RAPGEF2: variants seen among roughly 807,000 people sequenced by gnomAD.
RAPGEF2 encodes Rap guanine nucleotide exchange factor 2, also known as PDZ domain containing guanine nucleotide exchange factor (GEF) 1.
RAPGEF2 carries 54 observed loss-of-function variants against 186.7 expected under a neutral mutation model. The observed-to-expected ratio is 0.29, with a 90% CI of 0.23 to 0.36. The LOEUF is 0.36. Among genes scored for constraint, RAPGEF2 ranks in the 10% least tolerant of loss-of-function variants. RAPGEF2 has a pLI of 1.00. For synonymous variants in RAPGEF2, 712 were observed against 705.9 expected, an observed-to-expected ratio of 1.01 and a Z score of -0.14; for missense variants, 1,532 against 2,045.0, an observed-to-expected ratio of 0.75 and a Z score of 4.84.
At chr4:159,348,218 C>CGATAGATAGATAGATA (rs535075782) in intron 25 of RAPGEF2, among the ~76,000 whole-genome samples, 46 of 145,838 alleles carry the variant, frequency 3.2e-4, no homozygotes, top group African/African-American at 1.1e-3. Flanking sequence ...AAGACTCTGT[C>CGATAGATAGATAGATA]GATAGATAGA....
chr4:159,185,568 T>G (rs1747473743), intron 1 of RAPGEF2, among the ~76,000 whole-genome samples: 1 of 152,122 alleles, frequency 6.6e-6, no homozygotes, highest in African/African-American at 2.4e-5. Flanking sequence ...TCCCCAAAGA[T>G]CATATATTCC....
At chr4:159,354,721 T>C (rs963768701) in intron 28 of RAPGEF2, among the ~76,000 whole-genome samples, 2 of 152,194 alleles carry the variant, frequency 1.3e-5, no homozygotes, top group Admixed American at 1.3e-4. Context: ...ATGGAGTTAG[T>C]GTGAGGATTC....
intron 4 of RAPGEF2, among the ~76,000 whole-genome samples, chr4:159,230,050 G>A (rs1480606667): frequency 6.6e-6 from 1 of 152,142 alleles, no homozygotes; most frequent in East Asian, 1.9e-4. Context: ...TGAAAGGCAA[G>A]GTGTACAGCG....
chr4:159,316,680 GTGTATATTTACCACATTTTCTTTATCCAT>G (rs1205766123), intron 9 of RAPGEF2, among the ~76,000 whole-genome samples: 3 of 152,162 alleles, frequency 2.0e-5, no homozygotes, highest in Non-Finnish European at 4.4e-5. Context: ...GTATTCCATG[GTGTATATTTACCACATTTTCTTTATCCAT>G]TCTATCATTG....
chr4:159,257,329 C>T (rs1561160044), intron 7 of RAPGEF2, among the ~76,000 whole-genome samples: 1 of 152,130 alleles, frequency 6.6e-6, no homozygotes, highest in African/African-American at 2.4e-5. Context: ...TGGCAGAAGG[C>T]AGGGAGGAGC....
chr4:159,239,274 G>A (rs1318645911), intron 5 of RAPGEF2, among the ~76,000 whole-genome samples: 1 of 152,090 alleles, frequency 6.6e-6, no homozygotes, highest in African/African-American at 2.4e-5. Flanking sequence ...GCTGGTGTGA[G>A]AACAATTTTG....
chr4:159,161,951 T>C (rs950637865), intron 1 of RAPGEF2, among the ~76,000 whole-genome samples: 1 of 152,178 alleles, frequency 6.6e-6, no homozygotes, highest in African/African-American at 2.4e-5. Flanking sequence ...TTCTAAACTT[T>C]TATAGTCTTT....
intron 1 of RAPGEF2, among the ~76,000 whole-genome samples, chr4:159,141,142 C>G (rs950705980): frequency 7.2e-5 from 11 of 152,146 alleles, no homozygotes; most frequent in African/African-American, 2.7e-4. Flanking sequence ...GCTTTGCAAC[C>G]CAATCTAAAA....
chr4:159,299,882 TAAA>T (rs532129838), intron 7 of RAPGEF2, among the ~76,000 whole-genome samples: 1 of 146,334 alleles, frequency 6.8e-6, no homozygotes, highest in African/African-American at 2.5e-5. Flanking sequence ...TCCTACATAA[TAAA>T]AAAAAAAGCT....
chr4:159,333,804 CAT>C (rs1487462926), intron 17 of RAPGEF2, among the ~76,000 whole-genome samples: 4 of 152,184 alleles, frequency 2.6e-5, no homozygotes, highest in East Asian at 3.8e-4. Context: ...AACTTTAAAA[CAT>C]ATAATTTCGT....
chr4:159,240,331 CTTTTTT>C (rs370477370), intron 5 of RAPGEF2, among the ~76,000 whole-genome samples: 12 of 77,606 alleles, frequency 1.5e-4, no homozygotes, highest in Admixed American at 7.4e-4. Flanking sequence ...AGCATTTCTA[CTTTTTT>C]TTTTTTTTTT....
intron 1 of RAPGEF2, among the ~76,000 whole-genome samples, chr4:159,144,877 C>CTTTTTTTTT (rs1305914652): frequency 2.6e-5 from 2 of 77,632 alleles, no homozygotes; most frequent in African/African-American, 9.4e-5. Flanking sequence ...TTCTTTCTTC[C>CTTTTTTTTT]TGTTTTTTTT....
chr4:159,158,170 A>G (rs2111210233), intron 1 of RAPGEF2, among the ~76,000 whole-genome samples: 1 of 152,320 alleles, frequency 6.6e-6, no homozygotes, highest in South Asian at 2.1e-4. Flanking sequence ...TATTTTTGCC[A>G]AAAGTAAAAA....
intron 4 of RAPGEF2, among the ~76,000 whole-genome samples, chr4:159,231,470 T>G (rs971862801): frequency 2.0e-5 from 3 of 152,088 alleles, no homozygotes; most frequent in Non-Finnish European, 4.4e-5. Flanking sequence ...ATGAATCATA[T>G]ATCCGTGTGA....
chr4:159,273,588 C>T (rs1420186103), intron 7 of RAPGEF2, among the ~76,000 whole-genome samples: 1 of 152,048 alleles, frequency 6.6e-6, no homozygotes, highest in Non-Finnish European at 1.5e-5. Context: ...TTCAGTTATT[C>T]TCCTTTAACC....
chr4:159,253,694 C>T (rs1356132330), intron 7 of RAPGEF2, among the ~76,000 whole-genome samples: 2 of 151,842 alleles, frequency 1.3e-5, no homozygotes, highest in Non-Finnish European at 2.9e-5. Flanking sequence ...TGTGGCCAGG[C>T]GCGGTGGCTC....
chr4:159,274,086 C>T (rs868790425), intron 7 of RAPGEF2, among the ~76,000 whole-genome samples: 18 of 152,292 alleles, frequency 1.2e-4, no homozygotes, highest in African/African-American at 4.3e-4. Context: ...CCACCACGCC[C>T]GGCCCTAACA....
At chr4:159,105,038 T>C (rs1424545792) in intron 1 of RAPGEF2, among the ~76,000 whole-genome samples, 1 of 152,214 alleles carries the variant, frequency 6.6e-6, no homozygotes, top group Non-Finnish European at 1.5e-5. Context: ...TATACATTTG[T>C]TTACCTGCAG....
At chr4:159,228,518 A>T (rs1244445077) in intron 4 of RAPGEF2, among the ~76,000 whole-genome samples, 3 of 152,212 alleles carry the variant, frequency 2.0e-5, no homozygotes, top group African/African-American at 7.2e-5. Flanking sequence ...CTCTATTTTT[A>T]TAAGCAGAGA....
Sources: allele counts gnomAD v4.1 joint callset (sites outside exome capture counted in the v4.1 genomes callset), GRCh38; gene constraint gnomAD v4.1.1; transcripts MANE v1.5; gene names NCBI Gene and HGNC (gene_info 2026-07-23, HGNC 2026-07-21).